Variants in AKAP7 observed in about 807,000 individuals in gnomAD.
AKAP7 encodes A-kinase anchoring protein 7.
Under a neutral mutation model 39.5 loss-of-function variants are expected in AKAP7, and 39 were observed. That is an observed-to-expected ratio of 0.99 (90% CI 0.76 to 1.29). AKAP7 has a LOEUF of 1.29. AKAP7 is among the 50% of genes most tolerant of loss of function. The pLI is 0.00. For synonymous variants in AKAP7, 140 were observed against 139.1 expected (o/e 1.01, Z -0.05); for missense variants, 414 against 407.7 (o/e 1.02, Z -0.13).
At chr6:131,231,312 T>G (rs756446070) in intron 7 of AKAP7, among the ~76,000 whole-genome samples, 1 of 152,148 alleles carries the variant, frequency 6.6e-6, no homozygotes, top group Non-Finnish European at 1.5e-5. Flanking sequence ...ATAGATATTA[T>G]GTAATACAGG....
rs781190312 is a variant in AKAP7 at position 131,282,579 on chromosome 6, T to G, written c.*853T>G. On this transcript the variant is annotated 3_prime_UTR_variant, in exon 8 of 8. Coordinates refer to ENST00000431975, the MANE Select transcript of AKAP7 (RefSeq NM_016377.4). ...AACAACAGTAATTCAGCAAATGACG[T>G]TGATTTCAGCACAACTTTGACATAA... 5 of 1,535,726 alleles carry G rather than the reference T, an allele frequency of 3.3e-6. No homozygotes were observed. In the South Asian group the frequency reaches 6.0e-5, roughly 18 times the overall value.
chr6:131,193,288 A>G (rs184424740), intron 5 of AKAP7, among the ~76,000 whole-genome samples: 25 of 152,168 alleles, frequency 1.6e-4, no homozygotes, highest in Non-Finnish European at 4.4e-5. Context: ...TTATGAAGGG[A>G]TGTTGAATGT....
intron 5 of AKAP7, chr6:131,184,799 A>C: frequency 2.1e-6 from 3 of 1,449,244 alleles, no homozygotes; most frequent in Non-Finnish European, 2.9e-6. Flanking sequence ...TCCTCAGCCA[A>C]GTGAGAGTGG....
rs755077150 is a variant in AKAP7, at chr6:131,256,385, T to C, written c.851-25145T>C. ...ACTTACTATTCTTATCTTACCTTCCTGATTCCATCTATTAATTCATAGGCT... is the reference window on the plus strand; with the variant it reads ...ACTTACTATTCTTATCTTACCTTCCCGATTCCATCTATTAATTCATAGGCT... On this transcript the variant is annotated intron_variant, in intron 7 of 7. Transcript: ENST00000431975. Among the ~76,000 whole-genome samples, 91 of 152,360 alleles carry C rather than the reference T, an allele frequency of 6.0e-4. No homozygotes were observed. The Middle Eastern group carries it at 0.014, about 23-fold the overall frequency.
At chr6:131,130,626 C>T (rs984773617), upstream of AKAP7, among the ~76,000 whole-genome samples, 2 of 152,118 alleles carry the variant, frequency 1.3e-5, no homozygotes, top group Non-Finnish European at 2.9e-5. Flanking sequence ...CAAGAGATGT[C>T]ACCATGAAGA....
intron 5 of AKAP7, among the ~76,000 whole-genome samples, chr6:131,179,320 C>G (rs966750103): frequency 6.6e-6 from 1 of 152,044 alleles, no homozygotes; most frequent in African/African-American, 2.4e-5. Context: ...ATTACAGGTG[C>G]CTGCCACCAC....
At chr6:131,270,232 C>T (rs1383606867) in intron 7 of AKAP7, among the ~76,000 whole-genome samples, 2 of 152,182 alleles carry the variant, frequency 1.3e-5, no homozygotes, top group African/African-American at 4.8e-5. Context: ...TTATAGTCAA[C>T]CCTTCCTGTT....
chr6:131,266,476 T>C (rs539880773), intron 7 of AKAP7, among the ~76,000 whole-genome samples: 1 of 152,348 alleles, frequency 6.6e-6, no homozygotes, highest in African/African-American at 2.4e-5. Context: ...ACAGTAAGAA[T>C]TTACATTTTC....
intron 7 of AKAP7, among the ~76,000 whole-genome samples, chr6:131,274,002 C>T (rs1405755478): frequency 1.3e-5 from 2 of 149,866 alleles, no homozygotes; most frequent in Non-Finnish European, 3.0e-5. Flanking sequence ...TGCAGTGGCG[C>T]AATCTCAGCT....
intron 1 of AKAP7, among the ~76,000 whole-genome samples, chr6:131,141,672 T>A (rs971542872): frequency 6.6e-6 from 1 of 152,128 alleles, no homozygotes; most frequent in Non-Finnish European, 1.5e-5. Context: ...AAAGACTGGT[T>A]AAGTGGTTGT....
At chr6:131,229,033 G>A (rs910729817) in intron 7 of AKAP7, among the ~76,000 whole-genome samples, 1 of 152,106 alleles carries the variant, frequency 6.6e-6, no homozygotes, top group Admixed American at 6.6e-5. Flanking sequence ...TATTGAAGTA[G>A]GTCGACCCAA....
chr6:131,127,528 A>C, the AKAP7 span, among the ~76,000 whole-genome samples: 1 of 152,246 alleles, frequency 6.6e-6, no homozygotes, highest in Admixed American at 6.5e-5. Context: ...AAAACATTTA[A>C]ATCATTAGAG....
At chr6:131,126,481 C>G in the AKAP7 span, among the ~76,000 whole-genome samples, 1 of 152,168 alleles carries the variant, frequency 6.6e-6, no homozygotes, top group Non-Finnish European at 1.5e-5. Flanking sequence ...CTTCAAACCT[C>G]CAAAATCTCC....
chr6:131,172,453 C>T (rs1334311539), intron 5 of AKAP7, among the ~76,000 whole-genome samples: 2 of 152,038 alleles, frequency 1.3e-5, no homozygotes, highest in African/African-American at 2.4e-5. Flanking sequence ...TAGGCTCAAG[C>T]GATCCTCCTG....
chr6:131,201,068 A>G (rs1196951265), intron 6 of AKAP7, among the ~76,000 whole-genome samples: 1 of 152,220 alleles, frequency 6.6e-6, no homozygotes, highest in Admixed American at 6.5e-5. Context: ...CACAGAATCA[A>G]TCTTACCCTA....
intron 1 of AKAP7, among the ~76,000 whole-genome samples, chr6:131,144,379 T>C (rs1801310432): frequency 6.6e-6 from 1 of 152,162 alleles, no homozygotes; most frequent in African/African-American, 2.4e-5. Flanking sequence ...TATCTGAAAA[T>C]AGAGTATTAC....
chr6:131,222,306 A>G (rs1192465216), intron 7 of AKAP7, among the ~76,000 whole-genome samples: 5 of 152,166 alleles, frequency 3.3e-5, no homozygotes, highest in African/African-American at 1.2e-4. Context: ...CGGGCGGATC[A>G]TAAGGTCAGG....
At chr6:131,128,025 G>A in the AKAP7 span, among the ~76,000 whole-genome samples, 1 of 152,148 alleles carries the variant, frequency 6.6e-6, no homozygotes, top group African/African-American at 2.4e-5. Context: ...GGGACTATTT[G>A]AGTGTGGAGG....
rs1802803358 is a variant in AKAP7 at position 131,160,033 on chromosome 6, CGT to C, written c.152-25_152-24del. 3 of 1,550,222 alleles carry C rather than the reference CGT, an allele frequency of 1.9e-6. No individual in the cohort carries two copies. In the African/African-American group the frequency reaches 4.2e-5, roughly 22 times the overall value. On this transcript the variant is annotated intron_variant, in intron 2 of 7. Transcript: ENST00000431975. Reference sequence around the variant, plus strand: ...ATTATCTTTGTTTAAATGTATTAGACGTATTGTTTGACTTTTTTCCTCTAGTC... The same window carrying C: ...ATTATCTTTGTTTAAATGTATTAGACATTGTTTGACTTTTTTCCTCTAGTC...
Sources: gnomAD v4.1 joint callset for allele counts (sites outside exome capture counted in the v4.1 genomes callset) on GRCh38, gnomAD v4.1.1 for gene constraint, MANE v1.5 for transcripts, NCBI Gene and HGNC (gene_info 2026-07-23, HGNC 2026-07-21) for gene names.